The following TRDN variants were observed in gnomAD, a reference collection of about 807,000 sequenced individuals.
TRDN encodes triadin in skeletal muscle.
Under a neutral mutation model 149.7 loss-of-function variants are expected in TRDN, and 161 were observed. The observed-to-expected ratio is 1.08, with a 90% CI of 0.95 to 1.23. The LOEUF (loss-of-function observed/expected upper bound fraction) is 1.23, where lower values mean the gene tolerates loss of function less well. TRDN is among the 50% of genes most tolerant of loss of function. The pLI, the probability that TRDN is intolerant of heterozygous loss-of-function variation, is 0.00. For synonymous variants in TRDN, 294 were observed against 250.5 expected, an observed-to-expected ratio of 1.17 and a Z score of -1.64; for missense variants, 896 against 823.5, an observed-to-expected ratio of 1.09 and a Z score of -1.08.
chr6:123,622,330 C>T (rs1583337864), intron 1 of TRDN, among the ~76,000 whole-genome samples: 1 of 129,852 alleles, frequency 7.7e-6, no homozygotes, highest in African/African-American at 3.1e-5. Flanking sequence ...CACACACACA[C>T]ACACACACAC....
intron 10 of TRDN, among the ~76,000 whole-genome samples, chr6:123,449,348 T>A (rs555540785): frequency 2.0e-5 from 3 of 152,156 alleles, no homozygotes; most frequent in Admixed American, 2.0e-4. Flanking sequence ...GGGAGAAATA[T>A]TCAAGGAAAT....
intron 38 of TRDN, among the ~76,000 whole-genome samples, chr6:123,228,180 T>A (rs1211858205): frequency 2.0e-5 from 3 of 151,924 alleles, no homozygotes; most frequent in Non-Finnish European, 1.5e-5. Flanking sequence ...GAATATACTC[T>A]TATTGTTCCT....
intron 13 of TRDN, 96 bp from the exon 14 acceptor site, chr6:123,388,647 A>T: frequency 7.2e-7 from 1 of 1,383,598 alleles, no homozygotes; most frequent in Non-Finnish European, 1.0e-6. Context: ...TCATAAATTC[A>T]GTGGTCACCT....
At chr6:123,509,964 ACTTTCTTCATCTGT>A (rs1779099577) in intron 7 of TRDN, 1 of 152,146 alleles carries the variant, frequency 6.6e-6, no homozygotes. Context: ...TCTAGAGGTC[ACTTTCTTCATCTGT>A]TAAACGAGGT....
chr6:123,523,948 T>C (rs887817261), intron 5 of TRDN, among the ~76,000 whole-genome samples: 1 of 152,070 alleles, frequency 6.6e-6, no homozygotes, highest in African/African-American at 2.4e-5. Context: ...GTGGGATATA[T>C]TTGAACTCTA....
chr6:123,531,183 A>T (rs1780235468), intron 4 of TRDN, among the ~76,000 whole-genome samples: 1 of 152,046 alleles, frequency 6.6e-6, no homozygotes, highest in Non-Finnish European at 1.5e-5. Context: ...TACATACATT[A>T]CCAAGGCTAA....
At chr6:123,634,822 G>A (rs11757453) in intron 1 of TRDN, among the ~76,000 whole-genome samples, 13,619 of 151,872 alleles carry the variant, frequency 0.09, 1,033 homozygotes, top group African/African-American at 0.21. Flanking sequence ...TTAAGGCCCG[G>A]AAGTGGAAAA....
chr6:123,574,935 T>TA (rs1312348438), intron 1 of TRDN, among the ~76,000 whole-genome samples: 3 of 145,618 alleles, frequency 2.1e-5, no homozygotes, highest in Non-Finnish European at 4.5e-5. Flanking sequence ...TGAGAAAGTA[T>TA]AAATATTCAG....
intron 4 of TRDN, among the ~76,000 whole-genome samples, chr6:123,540,999 C>G (rs533996437): frequency 6.6e-6 from 1 of 152,080 alleles, no homozygotes; most frequent in Non-Finnish European, 1.5e-5. Context: ...AAACTTTAAG[C>G]CATCTGCAGT....
chr6:123,599,599 T>C (rs974539375), intron 1 of TRDN, among the ~76,000 whole-genome samples: 1 of 152,092 alleles, frequency 6.6e-6, no homozygotes, highest in African/African-American at 2.4e-5. Flanking sequence ...GCTATTTTTT[T>C]TTTCTAAATA....
intron 9 of TRDN, among the ~76,000 whole-genome samples, chr6:123,466,033 G>A (rs1776787166): frequency 6.6e-6 from 1 of 152,162 alleles, no homozygotes; most frequent in East Asian, 1.9e-4. Flanking sequence ...ATCATATATG[G>A]TTCTTGTAGC....
At position 123,499,474 on chromosome 6, in the gene TRDN, C is replaced by T. The variant is rs1363532206; in HGVS notation, c.794-2222G>A. ...ATCCCAGAACTTTCGGAGGCTGAGG[C>T]GGGAGGATCATTTGAGGTCAGGAGT... On this transcript the variant is annotated intron_variant, in intron 8 of 40. Coordinates refer to ENST00000334268, the MANE Select transcript of TRDN (RefSeq NM_006073.4). Among the ~76,000 whole-genome samples the T allele has an allele frequency of 6.6e-5, 10 of 151,086 alleles. 1 individual carries two copies. The highest frequency in any genetic ancestry group is 2.1e-4 in the South Asian group (1 of 4,794).
At chr6:123,368,893 T>A (rs2114369185) in intron 19 of TRDN, among the ~76,000 whole-genome samples, 1 of 152,342 alleles carries the variant, frequency 6.6e-6, no homozygotes, top group South Asian at 2.1e-4. Context: ...TTACCAAGCT[T>A]ATGCATAAAT....
At chr6:123,524,182 G>C (rs1222511313) in intron 5 of TRDN, among the ~76,000 whole-genome samples, 5 of 152,144 alleles carry the variant, frequency 3.3e-5, no homozygotes, top group Admixed American at 6.6e-5. Flanking sequence ...TGAATAATTT[G>C]GGTGGACAGT....
intron 38 of TRDN, among the ~76,000 whole-genome samples, chr6:123,246,388 T>A (rs1263977180): frequency 2.6e-5 from 4 of 151,958 alleles, no homozygotes; most frequent in Non-Finnish European, 1.5e-5. Context: ...CAATAAAAAA[T>A]GATAAAGGGG....
rs1299119983 is a variant in TRDN at position 123,430,710 on chromosome 6, C to T, written c.1051+7353G>A. 7.9e-5 allele frequency among the ~76,000 whole-genome samples: 12 copies of T among 152,230 alleles called. No individual in the cohort carries two copies. The East Asian group carries it at 9.6e-4, about 12-fold the overall frequency. On this transcript the variant is annotated intron_variant, in intron 12 of 40. Coordinates refer to ENST00000334268, the MANE Select transcript of TRDN (RefSeq NM_006073.4). ...GCATTAAAAAGATTAAAAATAGTCG[C>T]ATGTATACTAGTCCTCTTTTCAGGC... is the stretch of plus-strand genomic sequence containing the variant.
intron 23 of TRDN, among the ~76,000 whole-genome samples, chr6:123,331,407 T>A (rs1779652622): frequency 6.6e-6 from 1 of 152,116 alleles, no homozygotes. Context: ...GGGCTTCATT[T>A]GTCTGTAAGA....
chr6:123,512,677 CA>C (rs1157283777), intron 6 of TRDN, among the ~76,000 whole-genome samples: 1 of 151,972 alleles, frequency 6.6e-6, no homozygotes, highest in Non-Finnish European at 1.5e-5. Flanking sequence ...AAGAATTTGT[CA>C]AAAAATATGT....
At chr6:123,513,698 C>T (rs4897261) in intron 6 of TRDN, among the ~76,000 whole-genome samples, 134,628 of 152,172 alleles carry the variant, frequency 0.88, 59,543 homozygotes, top group East Asian at 0.98. Flanking sequence ...AATTATTTAA[C>T]TGAAATTTTC....
Sources: allele counts gnomAD v4.1 joint callset (sites outside exome capture counted in the v4.1 genomes callset), GRCh38; gene constraint gnomAD v4.1.1; transcripts MANE v1.5; gene names NCBI Gene and HGNC (gene_info 2026-07-23, HGNC 2026-07-21).